The following ARFGEF3 variants were observed in gnomAD, a reference collection of about 807,000 sequenced individuals.
The protein encoded by ARFGEF3 is brefeldin A-inhibited guanine nucleotide-exchange protein 3.
ARFGEF3 carries 96 observed loss-of-function variants against 221.7 expected under a neutral mutation model. That is an observed-to-expected ratio of 0.43 (90% confidence interval 0.37 to 0.51). The LOEUF (loss-of-function observed/expected upper bound fraction) is 0.51. ARFGEF3 is among the 20% of genes least tolerant of loss of function. The probability of loss-of-function intolerance (pLI) is 0.00; values close to 1 mark genes in which losing one functional copy is unlikely to be tolerated. For synonymous variants in ARFGEF3, 1,145 were observed against 1,126.8 expected (o/e 1.02, Z -0.32); for missense variants, 2,410 against 2,789.9 (o/e 0.86, Z 3.07).
intron 18 of ARFGEF3, 121 bp downstream of exon 18, chr6:138,290,089 A>G: frequency 1.1e-6 from 1 of 943,574 alleles, no homozygotes; most frequent in East Asian, 2.6e-5. Context: ...CAATTATAAC[A>G]ATTCACAGAG....
intron 2 of ARFGEF3, among the ~76,000 whole-genome samples, chr6:138,175,798 G>C (rs78060281): frequency 2.6e-5 from 4 of 152,182 alleles, no homozygotes; most frequent in Non-Finnish European, 4.4e-5. Flanking sequence ...ATGTCTCTTT[G>C]TTGATTTTCT....
At chr6:138,184,567 G>A (rs542469261) in intron 2 of ARFGEF3, among the ~76,000 whole-genome samples, 47 of 152,270 alleles carry the variant, frequency 3.1e-4, no homozygotes, top group South Asian at 1.0e-3. Context: ...TTATTTCCTC[G>A]TCCTGTGAAT....
rs1483203842 is a variant in ARFGEF3, at chr6:138,162,884, G to T, written c.85+713G>T. 6.6e-6 allele frequency among the ~76,000 whole-genome samples: 1 copy of T among 152,222 alleles called. No homozygotes were observed. Among genetic ancestry groups the T allele is most frequent in the Non-Finnish European group, 1.5e-5 (1 of 68,038 alleles). On this transcript the variant is annotated intron_variant, in intron 1 of 33. Coordinates refer to ENST00000251691, the MANE Select transcript of ARFGEF3 (RefSeq NM_020340.5). This position sits in a 1 kb window ranked among gnomAD's most constrained non-coding sequence, Gnocchi z 4.7. ...GGGTTTGGGCAATCAAAATGGTCAG[G>T]ATGGTAATGCAAATAGATCAGAAGC...
intron 4 of ARFGEF3, among the ~76,000 whole-genome samples, chr6:138,210,367 C>T (rs4895514): frequency 0.23 from 34,451 of 151,898 alleles, 6,424 homozygotes; most frequent in African/African-American, 0.5. Flanking sequence ...TCTGCCTGCT[C>T]GCATATGTTA....
At chr6:138,268,243 A>G (rs926275342) in intron 12 of ARFGEF3, among the ~76,000 whole-genome samples, 8 of 152,196 alleles carry the variant, frequency 5.3e-5, no homozygotes, top group Non-Finnish European at 1.2e-4. Context: ...TTGTTCCTCT[A>G]AGAGAAAGTT....
At chr6:138,253,615 C>T (rs374362343) in intron 8 of ARFGEF3, among the ~76,000 whole-genome samples, 3 of 152,266 alleles carry the variant, frequency 2.0e-5, no homozygotes, top group East Asian at 3.9e-4. Flanking sequence ...GTTGGATTAG[C>T]ATCCCCCCTA....
Position 138,285,741 on chromosome 6 carries a change from CAG to C in ARFGEF3, c.2462-203_2462-202del, listed in dbSNP as rs528478447. Among the ~76,000 whole-genome samples, 219 of 152,064 alleles carry C rather than the reference CAG, an allele frequency of 1.4e-3. 1 individual carries two copies. Among genetic ancestry groups the C allele is most frequent in the African/African-American group, 5.0e-3 (207 of 41,502 alleles). On this transcript the variant is annotated intron_variant, in intron 14 of 33. Coordinates refer to ENST00000251691, the MANE Select transcript of ARFGEF3 (RefSeq NM_020340.5). ...TAAATAAAGATAGGCAACAATGTAA[CAG>C]AAGAATAAATACTCCAAAGTGAAAT... is the stretch of plus-strand genomic sequence containing the variant.
At position 138,306,437 on chromosome 6, in the gene ARFGEF3, C is replaced by T. The variant is rs187501682; in HGVS notation, c.3829-816C>T. ...AATTCCAATTAAAATCCAAGCAGAC[C>T]TTTTTGAAGAGATCATCAAAGTGAT... On this transcript the variant is annotated intron_variant, in intron 22 of 33. Transcript: ENST00000251691. Among the ~76,000 whole-genome samples, 80 of 152,150 alleles carry T rather than the reference C, an allele frequency of 5.3e-4. 2 individuals carry two copies. Among genetic ancestry groups the T allele is most frequent in the African/African-American group, 1.7e-3 (71 of 41,524 alleles).
intron 2 of ARFGEF3, among the ~76,000 whole-genome samples, chr6:138,198,758 T>G (rs566799527): frequency 6.6e-6 from 1 of 152,340 alleles, no homozygotes; most frequent in Admixed American, 6.5e-5. Context: ...GTCAACATAA[T>G]GCATTGCTTC....
In ARFGEF3 at chr6:138,336,617, TA is replaced by T; in HGVS notation, c.*133del. ...TACTGTCTCAGAGAACAGTGTTTCC[TA>T]ATGTAAAAAGCCTTTCCAACCACTG... is the stretch of plus-strand genomic sequence containing the variant. On this transcript the variant is annotated 3_prime_UTR_variant, in exon 34 of 34. Coordinates refer to ENST00000251691, the MANE Select transcript of ARFGEF3 (RefSeq NM_020340.5). 1.4e-6 allele frequency: 1 copy of T among 729,648 alleles called. No individual in the cohort carries two copies. 45.2% of individuals were successfully genotyped at this position (729,648 alleles called of 1,614,324 possible).
At chr6:138,320,018 G>A in intron 28 of ARFGEF3, 139 bp downstream of exon 28, 1 of 725,410 alleles carries the variant, frequency 1.4e-6, no homozygotes, top group Non-Finnish European at 2.3e-6. Context: ...AGAACAACAT[G>A]GTCAGTGCCA....
chr6:138,330,716 A>T (rs1434819266), intron 32 of ARFGEF3, among the ~76,000 whole-genome samples: 1 of 146,468 alleles, frequency 6.8e-6, no homozygotes, highest in East Asian at 2.0e-4. Context: ...GGTCAGTTTG[A>T]TTAATATAAC....
At chr6:138,242,470 T>C (rs1484376507) in intron 6 of ARFGEF3, among the ~76,000 whole-genome samples, 1 of 152,216 alleles carries the variant, frequency 6.6e-6, no homozygotes, top group East Asian at 1.9e-4. Context: ...TGGTTATCTT[T>C]GGACCTGTAT....
At chr6:138,274,356 G>A (rs1380146669) in intron 12 of ARFGEF3, among the ~76,000 whole-genome samples, 2 of 152,240 alleles carry the variant, frequency 1.3e-5, no homozygotes, top group South Asian at 2.1e-4. Context: ...TGTGCCCTAT[G>A]TCTCCTCCAG....
chr6:138,257,462 C>T (rs1327799923), intron 10 of ARFGEF3, among the ~76,000 whole-genome samples: 1 of 152,194 alleles, frequency 6.6e-6, no homozygotes, highest in Non-Finnish European at 1.5e-5. Context: ...AATTTTACTG[C>T]ACTGGATGGA....
In ARFGEF3 at chr6:138,186,914, T is replaced by C. The variant is rs866995554; in HGVS notation, c.137+16201T>C. Among the ~76,000 whole-genome samples the C allele has an allele frequency of 5.1e-3, 659 of 128,268 alleles. 9 individuals are homozygous for C. The highest frequency in any genetic ancestry group is 0.024 in the Middle Eastern group (6 of 248). 84.1% of individuals were successfully genotyped at this position (128,268 alleles called of 152,430 possible). ...TCTCATCCTTTTTCTTTTTTTTTTT[T>C]TTTTTTTTTTTTTTTTTTGAGACAG... On this transcript the variant is annotated intron_variant, in intron 2 of 33. Coordinates refer to ENST00000251691, the MANE Select transcript of ARFGEF3 (RefSeq NM_020340.5).
At chr6:138,255,195 G>A (rs1778652545) in intron 9 of ARFGEF3, among the ~76,000 whole-genome samples, 3 of 152,182 alleles carry the variant, frequency 2.0e-5, no homozygotes, top group African/African-American at 7.2e-5. Context: ...CTTCACTTAT[G>A]ATGGTTTCTT....
chr6:138,246,227 T>G (rs1264115636), intron 8 of ARFGEF3, among the ~76,000 whole-genome samples: 1 of 151,838 alleles, frequency 6.6e-6, no homozygotes, highest in Non-Finnish European at 1.5e-5. Flanking sequence ...AACACCAGAC[T>G]TTCAACATGG....
chr6:138,261,537 G>C lies in ARFGEF3; in HGVS notation c.1115G>C (p.Ser372Thr). 1 of 1,562,968 alleles carries C rather than the reference G, an allele frequency of 6.4e-7. No homozygotes were observed. Among genetic ancestry groups the C allele is most frequent in the East Asian group, 2.3e-5 (1 of 43,132 alleles). Residue 372 changes from serine to threonine, a missense_variant, in exon 11 of 34, where the codon AGC becomes ACC. Ser to Thr is a moderately conservative substitution (Grantham distance 58). This residue lies in a region of ARFGEF3 where 570 missense variants were observed against 586.9 expected (regional missense o/e 0.97). Coordinates refer to ENST00000251691, the MANE Select transcript of ARFGEF3 (RefSeq NM_020340.5). The stretch of plus-strand genomic sequence containing the variant: ...ACCTTTTTCTTTAAGATACTTGGGA[G>C]CCCACAGCGTCTCTGTGACTTGGCA... ...AIKIMKEILG[S>T]PQRLCDLAGP...
Sources: gnomAD v4.1 joint callset for allele counts (sites outside exome capture counted in the v4.1 genomes callset) on GRCh38, gnomAD v4.1.1 for gene constraint, gnomAD v4.1.1 regional missense constraint, Gnocchi (gnomAD v3.1) non-coding constraint, MANE v1.5 for transcripts, NCBI Gene and HGNC (gene_info 2026-07-23, HGNC 2026-07-21) for gene names.